Variants in BNC2 observed in about 807,000 individuals in gnomAD.
BNC2 encodes the protein zinc finger protein basonuclin-2.
A neutral mutation model predicts 76.3 loss-of-function variants in BNC2; 20 were observed. The ratio of observed to expected loss-of-function variants is 0.26; its 90% CI spans 0.18 to 0.38. BNC2 has a LOEUF of 0.38. Ranked by LOEUF, BNC2 falls within the 10% of genes least tolerant of loss-of-function variation. The pLI is 1.00. For synonymous variants in BNC2, 582 were observed against 514.8 expected, an observed-to-expected ratio of 1.13 and a Z score of -1.77; for missense variants, 1,382 against 1,399.8, an observed-to-expected ratio of 0.99 and a Z score of 0.20.
chr9:16,516,673 A>G lies in BNC2; in HGVS notation c.669+35857T>C, dbSNP rs1256892894. Among the ~76,000 whole-genome samples, 3 of 152,086 alleles carry G rather than the reference A, an allele frequency of 2.0e-5. No homozygotes were observed. In the East Asian group the frequency reaches 5.8e-4, roughly 29 times the overall value. On this transcript the variant is annotated intron_variant, in intron 5 of 6. Transcript: ENST00000380672. ...TGTGCTTCTTTTTTTTTCTTTTTTC[A>G]TCTTAAAATCCAAAGTCATTTGAAA...
chr9:16,844,254 G>A (rs982481231), intron 1 of BNC2, among the ~76,000 whole-genome samples: 1 of 151,980 alleles, frequency 6.6e-6, no homozygotes, highest in Middle Eastern at 3.4e-3. Flanking sequence ...TTGCAAAAAC[G>A]GGTATATCTG....
chr9:16,566,087 G>A (rs80059711), intron 4 of BNC2, among the ~76,000 whole-genome samples: 2,778 of 152,036 alleles, frequency 0.018, 103 homozygotes, highest in African/African-American at 0.062. Flanking sequence ...TTTCTTTCCC[G>A]TTTCGATTTA....
intron 1 of BNC2, among the ~76,000 whole-genome samples, chr9:16,835,282 G>C (rs1174878228): frequency 6.6e-6 from 1 of 152,184 alleles, no homozygotes; most frequent in Admixed American, 6.5e-5. Context: ...TGTTAAGTAT[G>C]TTTATAATCA....
chr9:16,723,742 G>A (rs1824235386), intron 3 of BNC2, among the ~76,000 whole-genome samples: 1 of 152,062 alleles, frequency 6.6e-6, no homozygotes, highest in Non-Finnish European at 1.5e-5. Flanking sequence ...CTGGTGAGCA[G>A]ACGCTCTGGT....
intron 4 of BNC2, among the ~76,000 whole-genome samples, chr9:16,557,497 A>G (rs1818872408): frequency 6.6e-6 from 1 of 151,210 alleles, no homozygotes; most frequent in Admixed American, 6.6e-5. Context: ...AGACTCTGTC[A>G]CAGGATTTAA....
intron 3 of BNC2, among the ~76,000 whole-genome samples, chr9:16,659,930 T>C: frequency 6.6e-6 from 1 of 152,238 alleles, no homozygotes; most frequent in Non-Finnish European, 1.5e-5. Flanking sequence ...AGGACTTTGT[T>C]ACACTGTACC....
At chr9:16,694,976 C>T (rs931448532) in intron 3 of BNC2, among the ~76,000 whole-genome samples, 1 of 152,144 alleles carries the variant, frequency 6.6e-6, no homozygotes, top group Admixed American at 6.5e-5. Flanking sequence ...AATGTAAACC[C>T]GTCCTACCAG....
At chr9:16,470,001 T>TTC (rs1206358093) in intron 5 of BNC2, among the ~76,000 whole-genome samples, 1 of 93,746 alleles carries the variant, frequency 1.1e-5, no homozygotes, top group African/African-American at 3.7e-5. Context: ...TCTTTTTTTT[T>TTC]TTTTTTTTTT....
intron 1 of BNC2, among the ~76,000 whole-genome samples, chr9:16,771,563 C>T (rs911047029): frequency 3.9e-5 from 6 of 152,138 alleles, no homozygotes; most frequent in African/African-American, 9.7e-5. Flanking sequence ...GCATATCCTG[C>T]ATGAATAGTC....
chr9:16,521,061 G>T (rs891299813), intron 5 of BNC2, among the ~76,000 whole-genome samples: 12 of 152,096 alleles, frequency 7.9e-5, no homozygotes, highest in African/African-American at 2.9e-4. Flanking sequence ...AGATATAAGA[G>T]GAACATACAT....
chr9:16,577,335 A>G (rs1819514373), intron 4 of BNC2, among the ~76,000 whole-genome samples: 1 of 152,030 alleles, frequency 6.6e-6, no homozygotes, highest in African/African-American at 2.4e-5. Flanking sequence ...AACCATGCTG[A>G]GAAAAAAAAA....
intron 1 of BNC2, among the ~76,000 whole-genome samples, chr9:16,867,038 T>G (rs144792525): frequency 1.3e-5 from 2 of 152,180 alleles, no homozygotes; most frequent in African/African-American, 4.8e-5. Context: ...CTAAGCTTTA[T>G]GTACAGAATT....
intron 5 of BNC2, among the ~76,000 whole-genome samples, chr9:16,462,632 T>G (rs1211961284): frequency 6.6e-6 from 1 of 152,180 alleles, no homozygotes; most frequent in African/African-American, 2.4e-5. Flanking sequence ...GGATACTTTA[T>G]CAAGTTTCTT....
At position 16,418,208 on chromosome 9, in the gene BNC2, T is replaced by A. The variant is rs1458904927; in HGVS notation, c.*781A>T. 1.3e-5 allele frequency: 2 copies of A among 152,650 alleles called. No homozygotes were observed. The highest frequency in any genetic ancestry group is 6.5e-5 in the Admixed American group (1 of 15,290). The allele number at this position is 152,650 out of a possible 1,614,324, so 9.5% of individuals were successfully genotyped here. ...ATTTATGTACTAGTACAGGACATTT[T>A]AAAAAATCAGATCTGTGCTGTAAAG... is the stretch of plus-strand genomic sequence containing the variant. On this transcript the variant is annotated 3_prime_UTR_variant, in exon 7 of 7. Transcript: ENST00000380672.
At chr9:16,728,523 A>G (rs1183873264) in intron 2 of BNC2, among the ~76,000 whole-genome samples, 1 of 152,144 alleles carries the variant, frequency 6.6e-6, no homozygotes, top group Non-Finnish European at 1.5e-5. Flanking sequence ...TAACATTTGT[A>G]AAACTGTGAT....
At chr9:16,426,618 C>T (rs886917339) in intron 6 of BNC2, among the ~76,000 whole-genome samples, 4 of 152,050 alleles carry the variant, frequency 2.6e-5, no homozygotes, top group Non-Finnish European at 5.9e-5. Context: ...AATAAAGACA[C>T]CTGAACAAAA....
chr9:16,781,711 T>C (rs183814037), intron 1 of BNC2, among the ~76,000 whole-genome samples: 197 of 152,322 alleles, frequency 1.3e-3, no homozygotes, highest in African/African-American at 4.6e-3. Flanking sequence ...ACTTTTCCAA[T>C]ACAAGTATAT....
chr9:16,456,276 G>T (rs1218503071), intron 5 of BNC2, among the ~76,000 whole-genome samples: 2 of 152,072 alleles, frequency 1.3e-5, no homozygotes, highest in Non-Finnish European at 2.9e-5. Flanking sequence ...TGTTTTTATG[G>T]AGTCTCAAAT....
intron 3 of BNC2, among the ~76,000 whole-genome samples, chr9:16,633,400 A>G (rs113763865): frequency 1.3e-5 from 2 of 152,342 alleles, no homozygotes; most frequent in African/African-American, 4.8e-5. Context: ...AACTTCATTT[A>G]TGGCTACTCT....
Sources: allele counts gnomAD v4.1 joint callset (sites outside exome capture counted in the v4.1 genomes callset), GRCh38; gene constraint gnomAD v4.1.1; transcripts MANE v1.5; gene names NCBI Gene and HGNC (gene_info 2026-07-23, HGNC 2026-07-21).